The following CUEDC2 variants were observed in gnomAD, a reference collection of about 807,000 sequenced individuals.
CUEDC2 encodes CUE domain-containing protein 2.
In CUEDC2, 10 loss-of-function variants were observed where a neutral mutation model predicts 36.0. The observed-to-expected ratio is 0.28, with a 90% CI of 0.17 to 0.47. CUEDC2 has a LOEUF of 0.47. Ranked by LOEUF, CUEDC2 falls within the 20% of genes least tolerant of loss-of-function variation. CUEDC2 has a pLI of 0.99. For missense variants in CUEDC2, 269 were observed against 368.1 expected (o/e 0.73, Z 2.20); for synonymous variants, 133 against 141.8 (o/e 0.94, Z 0.44).
Position 102,424,081 on chromosome 10 carries a change from T to C in CUEDC2, c.509A>G (p.Lys170Arg). Residue 170 changes from lysine (K) to arginine (R), a missense_variant, in exon 6 of 9, where the codon AAA (lysine) becomes AGA (arginine). Transcript: ENST00000369937. This position sits in a 1 kb window ranked among gnomAD's most constrained non-coding sequence, Gnocchi z 4.2. ...SVEQAQWVLA[K>R]ARGDLEEAVQ... The stretch of plus-strand genomic sequence containing the variant: ...AGCTTCTTCCAAGTCCCCCCGAGCT[T>C]TGGCCAGCACCCACTGGGCCTGCTC... 1.2e-6 allele frequency: 2 copies of C among 1,614,124 alleles called. No individual in the cohort carries two copies. Among genetic ancestry groups the C allele is most frequent in the Non-Finnish European group, 1.7e-6 (2 of 1,180,008 alleles).
chr10:102,423,922 G>T lies in CUEDC2; in HGVS notation c.595-63C>A. On this transcript the variant is annotated intron_variant, in intron 6 of 8. Coordinates refer to ENST00000369937, the MANE Select transcript of CUEDC2 (RefSeq NM_024040.3). This position sits in a 1 kb window ranked among gnomAD's most constrained non-coding sequence, Gnocchi z 5.6. ...CCAGCAGGGGAAACAGATGGGGATA[G>T]GTAGGGGTTGGGGCTTAACACCAAG... is the stretch of plus-strand genomic sequence containing the variant. The T allele has an allele frequency of 6.2e-7, 1 of 1,601,438 alleles. No homozygotes were observed. Among genetic ancestry groups the T allele is most frequent in the Non-Finnish European group, 8.5e-7 (1 of 1,173,370 alleles).
At chr10:102,431,832 C>G (rs1271180536) in intron 1 of CUEDC2, among the ~76,000 whole-genome samples, 2 of 152,128 alleles carry the variant, frequency 1.3e-5, no homozygotes, top group Non-Finnish European at 2.9e-5. Context: ...CCTGGACCCT[C>G]CAGATGCTAG....
intron 1 of CUEDC2, among the ~76,000 whole-genome samples, chr10:102,432,027 GTCTTC>G (rs1480334692): frequency 6.6e-6 from 1 of 152,122 alleles, no homozygotes; most frequent in Non-Finnish European, 1.5e-5. Context: ...AGCATGGAAG[GTCTTC>G]ACTGCTTCTC....
At position 102,424,600 on chromosome 10, in the gene CUEDC2, C is replaced by T. The variant is rs1261320999; in HGVS notation, c.219-40G>A. 1.1e-5 allele frequency: 17 copies of T among 1,614,014 alleles called. No individual in the cohort carries two copies. Among genetic ancestry groups the T allele is most frequent in the Non-Finnish European group, 1.4e-5 (17 of 1,179,992 alleles). ...GCAGTGAGAGGATGACTCTGCCCACCCCATAATCAGCCAGCCCCTTCCTCC... is the reference window on the plus strand; with the variant it reads ...GCAGTGAGAGGATGACTCTGCCCACTCCATAATCAGCCAGCCCCTTCCTCC... On this transcript the variant is annotated intron_variant, in intron 3 of 8. Transcript: ENST00000369937. The surrounding 1 kb of genome is among the most constrained non-coding windows in gnomAD (Gnocchi z 4.2).
At chr10:102,430,156 TTTA>T (rs2061611835) in intron 1 of CUEDC2, among the ~76,000 whole-genome samples, 1 of 141,932 alleles carries the variant, frequency 7.0e-6, no homozygotes, top group African/African-American at 2.6e-5. Flanking sequence ...ATTTTATTTA[TTTA>T]TTTATTTATT....
intron 1 of CUEDC2, among the ~76,000 whole-genome samples, chr10:102,429,390 G>C (rs1446034174): frequency 6.6e-6 from 1 of 151,922 alleles, no homozygotes; most frequent in Non-Finnish European, 1.5e-5. Context: ...CTTGACTGCG[G>C]TAGTCAGATT....
chr10:102,428,816 G>T (rs1334497646), intron 1 of CUEDC2, among the ~76,000 whole-genome samples: 1 of 152,134 alleles, frequency 6.6e-6, no homozygotes, highest in Admixed American at 6.5e-5. Flanking sequence ...GAGGTCAGGA[G>T]ATCAAGACCA....
chr10:102,423,770 GGCCCAGCCCA>G lies in CUEDC2; in HGVS notation c.656+18_656+27del, dbSNP rs575331676. The G allele has an allele frequency of 6.2e-7, 1 of 1,613,932 alleles. No homozygotes were observed. The stretch of plus-strand genomic sequence containing the variant: ...CTGTCACCCTGGGAAGACCCTCTAG[GGCCCAGCCCA>G]GCCCAGCCCAGACTCACTTCTGCAG... On this transcript the variant is annotated intron_variant, in intron 7 of 8. Transcript: ENST00000369937. The surrounding 1 kb of genome is among the most constrained non-coding windows in gnomAD (Gnocchi z 5.6).
intron 1 of CUEDC2, among the ~76,000 whole-genome samples, chr10:102,427,888 T>C (rs1261825844): frequency 6.6e-6 from 1 of 152,180 alleles, no homozygotes; most frequent in Non-Finnish European, 1.5e-5. Context: ...CCATGCACCA[T>C]ACCTTCCTGG....
intron 1 of CUEDC2, among the ~76,000 whole-genome samples, chr10:102,429,520 C>T (rs941618925): frequency 2.0e-5 from 3 of 150,894 alleles, no homozygotes; most frequent in African/African-American, 7.3e-5. Flanking sequence ...TGCCTGGTCC[C>T]GAGTGGTAAC....
rs2061585549 is a variant in CUEDC2, at chr10:102,424,028, C to T, written c.562G>A (p.Glu188Lys). 1.2e-6 allele frequency: 2 copies of T among 1,613,986 alleles called. No individual in the cohort carries two copies. Among genetic ancestry groups the T allele is most frequent in the South Asian group, 2.2e-5 (2 of 91,094 alleles). Reference sequence around the variant, plus strand: ...GGGCCCTCCCAGGCTGCAGGCCCCTCTTCCTTTCCCTCTACCAGCATCTGC... The same window carrying T: ...GGGCCCTCCCAGGCTGCAGGCCCCTTTTCCTTTCCCTCTACCAGCATCTGC... ...AVQMLVEGKE[E>K]GPAAWEGPNQ... The change falls in exon 6 of 9, where the codon GAG (glutamate) becomes AAG (lysine). Residue 188 changes from glutamate (E) to lysine (K), a missense_variant. Coordinates refer to ENST00000369937, the MANE Select transcript of CUEDC2 (RefSeq NM_024040.3). This position sits in a 1 kb window ranked among gnomAD's most constrained non-coding sequence, Gnocchi z 4.2.
intron 1 of CUEDC2, 88 bp from the exon 2 acceptor site, chr10:102,425,286 T>TGCTATGGAACC (rs1239881472): frequency 1.1e-6 from 1 of 912,008 alleles, no homozygotes; most frequent in Non-Finnish European, 1.8e-6. Context: ...CCTCCTGGCC[T>TGCTATGGAACC]GCTATGGAAC....
intron 1 of CUEDC2, among the ~76,000 whole-genome samples, chr10:102,432,038 T>A (rs959636441): frequency 6.6e-6 from 1 of 152,108 alleles, no homozygotes; most frequent in East Asian, 1.9e-4. Context: ...TCTTCACTGC[T>A]TCTCCCAGCC....
At chr10:102,427,104 T>C (rs2061599997) in intron 1 of CUEDC2, among the ~76,000 whole-genome samples, 1 of 152,166 alleles carries the variant, frequency 6.6e-6, no homozygotes, top group Non-Finnish European at 1.5e-5. Context: ...CACCTTCTAT[T>C]TGCCCTTTCA....
At position 102,424,393 on chromosome 10, in the gene CUEDC2, C is replaced by G. The variant is rs781511061; in HGVS notation, c.282G>C (p.Glu94Asp). 6.2e-7 allele frequency: 1 copy of G among 1,614,108 alleles called. No individual in the cohort carries two copies. The highest frequency in any genetic ancestry group is 2.2e-5 in the East Asian group (1 of 44,886). Residue 94 changes from glutamate (E) to aspartate (D), a missense_variant and splice_region_variant, in exon 5 of 9, where the codon GAG (glutamate) becomes GAC (aspartate). Physicochemically the swap from Glu to Asp is conservative, Grantham distance 45. Coordinates refer to ENST00000369937, the MANE Select transcript of CUEDC2 (RefSeq NM_024040.3). The surrounding 1 kb of genome is among the most constrained non-coding windows in gnomAD (Gnocchi z 4.2). ...SGQLSDARNK[E>D]NLQPQSSGVQ... ...CACCAGAGCTCTGCGGTTGCAGGTTCTCTTAAAGAGGCAAAGAGAGCATCA... is the reference window on the plus strand; with the variant it reads ...CACCAGAGCTCTGCGGTTGCAGGTTGTCTTAAAGAGGCAAAGAGAGCATCA...
intron 1 of CUEDC2, among the ~76,000 whole-genome samples, chr10:102,425,434 T>G (rs1306733121): frequency 2.8e-5 from 1 of 35,628 alleles, no homozygotes; most frequent in Non-Finnish European, 5.7e-5. Flanking sequence ...CCCCCACCTC[T>G]CCCCACCCCC....
Position 102,423,472 on chromosome 10 carries a change from G to A in CUEDC2, c.818C>T (p.Ala273Val). The A allele has an allele frequency of 6.2e-7, 1 of 1,614,224 alleles. No individual in the cohort carries two copies. Among genetic ancestry groups the A allele is most frequent in the African/African-American group, 1.3e-5 (1 of 75,066 alleles). The change falls in exon 9 of 9, where the codon GCC (alanine) becomes GTC (valine). Residue 273 changes from alanine (A) to valine (V), a missense_variant. Ala to Val is a moderately conservative substitution (Grantham distance 64, BLOSUM62 0). Transcript: ENST00000369937. The surrounding 1 kb of genome is among the most constrained non-coding windows in gnomAD (Gnocchi z 5.6). ...GGCTGGCTTGAGGTTGATGTATGTG[G>A]CCTTCATCTCCTCGGCCTCAGGGTT... ...VRNPEAEEMK[A>V]TYINLKPARK...
At position 102,423,292 on chromosome 10, in the gene CUEDC2, A is replaced by T. The variant is rs1273492057; in HGVS notation, c.*134T>A. 1.7e-6 allele frequency: 2 copies of T among 1,150,030 alleles called. No homozygotes were observed. Among genetic ancestry groups the T allele is most frequent in the Non-Finnish European group, 2.5e-6 (2 of 795,580 alleles). The allele number at this position is 1,150,030 out of a possible 1,614,324, so 71.2% of individuals were successfully genotyped here. On this transcript the variant is annotated 3_prime_UTR_variant, in exon 9 of 9. Transcript: ENST00000369937. The surrounding 1 kb of genome is among the most constrained non-coding windows in gnomAD (Gnocchi z 5.6). Reference sequence around the variant, plus strand: ...CTGTGCCCATGGAGGCAGCTCCGAGAGTAGGTTAACACTATGGAGCAAAGG... The same window carrying T: ...CTGTGCCCATGGAGGCAGCTCCGAGTGTAGGTTAACACTATGGAGCAAAGG...
Position 102,424,328 on chromosome 10 carries a change from C to A in CUEDC2, c.347G>T (p.Arg116Leu), listed in dbSNP as rs550946332. Reference protein sequence around the residue: ...QVPISPEPLQRPEMLKEETRS... With the variant: ...QVPISPEPLQLPEMLKEETRS... The stretch of plus-strand genomic sequence containing the variant: ...AGTCTCTTCTTTGAGCATTTCGGGC[C>A]GCTGCAGGGGCTCTGGGGAGATGGG... Residue 116 changes from arginine (R) to leucine (L), a missense_variant, in exon 5 of 9, where the codon CGG (arginine) becomes CTG (leucine). Physicochemically the swap from Arg to Leu is moderately radical, Grantham distance 102. Coordinates refer to ENST00000369937, the MANE Select transcript of CUEDC2 (RefSeq NM_024040.3). The surrounding 1 kb of genome is among the most constrained non-coding windows in gnomAD (Gnocchi z 4.2). 6.2e-7 allele frequency: 1 copy of A among 1,614,142 alleles called. No homozygotes were observed. The highest frequency in any genetic ancestry group is 1.7e-5 in the Admixed American group (1 of 60,018).
Sources: allele counts gnomAD v4.1 joint callset (sites outside exome capture counted in the v4.1 genomes callset), GRCh38; gene constraint gnomAD v4.1.1; non-coding constraint Gnocchi (gnomAD v3.1); transcripts MANE v1.5; gene names NCBI Gene and HGNC (gene_info 2026-07-23, HGNC 2026-07-21).